The following FAAH2 variants were observed in gnomAD, a reference collection of about 807,000 sequenced individuals.
The protein encoded by FAAH2 is fatty-acid amide hydrolase 2.
Under a neutral mutation model 36.9 loss-of-function variants are expected in FAAH2, and 60 were observed. The ratio of observed to expected loss-of-function variants is 1.63; its 90% CI spans 1.32 to 2.02. The LOEUF is 2.02. Among genes scored for constraint, FAAH2 ranks in the 30% most tolerant of loss-of-function variants. The probability of loss-of-function intolerance (pLI) is 0.00; values close to 1 mark genes in which losing one functional copy is unlikely to be tolerated. For missense variants in FAAH2, 689 were observed against 397.5 expected (o/e 1.73, Z -6.23); for synonymous variants, 214 against 143.8 (o/e 1.49, Z -3.49).
intron 3 of FAAH2, among the ~76,000 whole-genome samples, chrX:57,331,137 G>A (rs1266318095): frequency 8.9e-6 from 1 of 111,932 alleles, no homozygotes; most frequent in Non-Finnish European, 1.9e-5. Flanking sequence ...TCCTCCAGAT[G>A]TTCTGGCATC....
At chrX:57,412,125 C>A (rs1388547786) in intron 7 of FAAH2, among the ~76,000 whole-genome samples, 1 of 111,822 alleles carries the variant, frequency 8.9e-6, no homozygotes, top group Non-Finnish European at 1.9e-5. Context: ...TCCAAATCGA[C>A]TCTTCTAGTT....
At chrX:57,259,639 G>T in the FAAH2 span, among the ~76,000 whole-genome samples, 1 of 111,767 alleles carries the variant, frequency 8.9e-6, no homozygotes, top group Admixed American at 9.5e-5. Flanking sequence ...GGGGGAAATA[G>T]AAAAATATTG....
the FAAH2 span, among the ~76,000 whole-genome samples, chrX:57,140,598 CA>C: frequency 0.035 from 2,067 of 58,750 alleles, 33 homozygotes; most frequent in African/African-American, 0.063. Context: ...GACCCCGTCT[CA>C]AAAAAAAAAA....
In FAAH2 at chrX:57,372,404, A is replaced by G. The variant is rs780478443; in HGVS notation, c.743-6247A>G. Among the ~76,000 whole-genome samples the G allele has an allele frequency of 5.4e-5, 6 of 111,240 alleles. 1 individual carries two copies. In the South Asian group the frequency reaches 1.9e-3, roughly 35 times the overall value. Reference sequence around the variant, plus strand: ...TTTTGTTTCTCCAATAATTACAGTGATGATGAGCATTGTTTTTGTGTGTTA... The same window carrying G: ...TTTTGTTTCTCCAATAATTACAGTGGTGATGAGCATTGTTTTTGTGTGTTA... On this transcript the variant is annotated intron_variant, in intron 5 of 10. Transcript: ENST00000374900.
intron 7 of FAAH2, chrX:57,395,137 G>C (rs751562527): frequency 1.9e-6 from 1 of 537,923 alleles, no homozygotes; most frequent in Non-Finnish European, 3.5e-6. Context: ...GTGTACAGTA[G>C]AGTCTTCATT....
chrX:57,325,392 T>G (rs753995422), intron 3 of FAAH2, among the ~76,000 whole-genome samples: 1 of 111,825 alleles, frequency 8.9e-6, no homozygotes, highest in South Asian at 3.8e-4. Context: ...TTCTATTGAT[T>G]GGAATAGTTT....
At chrX:57,452,122 C>T (rs1002190108) in intron 10 of FAAH2, 2 of 747,167 alleles carry the variant, frequency 2.7e-6, no homozygotes, top group Non-Finnish European at 3.2e-6. Context: ...TCCCCTCTCC[C>T]CACTTTAGGT....
chrX:57,410,884 T>C (rs1272002297), intron 7 of FAAH2, among the ~76,000 whole-genome samples: 2 of 111,999 alleles, frequency 1.8e-5, no homozygotes, highest in African/African-American at 6.5e-5. Context: ...CTGAGATTCT[T>C]TAAAGTGATT....
intron 5 of FAAH2, among the ~76,000 whole-genome samples, chrX:57,358,154 TC>T (rs200106863): frequency 0.31 from 33,892 of 107,770 alleles, 4,388 homozygotes; most frequent in Middle Eastern, 0.6. Context: ...TAGTTTGAGA[TC>T]TTTTTTTTTT....
intron 8 of FAAH2, among the ~76,000 whole-genome samples, chrX:57,438,993 G>T (rs1183234737): frequency 9.0e-6 from 1 of 110,786 alleles, no homozygotes; most frequent in Non-Finnish European, 1.9e-5. Context: ...TCTTAATCCA[G>T]TCTATCGTTG....
At chrX:57,180,855 A>G in the FAAH2 span, among the ~76,000 whole-genome samples, 172 of 111,716 alleles carry the variant, frequency 1.5e-3, 2 homozygotes, top group East Asian at 0.039. Context: ...CTTCAGGCCA[A>G]TATCCTTCAT....
At chrX:57,402,783 A>T (rs1166777646) in intron 7 of FAAH2, among the ~76,000 whole-genome samples, 1 of 111,991 alleles carries the variant, frequency 8.9e-6, no homozygotes, top group Non-Finnish European at 1.9e-5. Context: ...CTGTGGCACC[A>T]ATCTCCATGT....
intron 10 of FAAH2, among the ~76,000 whole-genome samples, chrX:57,475,645 C>G (rs2057253213): frequency 9.0e-6 from 1 of 111,721 alleles, no homozygotes; most frequent in Non-Finnish European, 1.9e-5. Context: ...CAGCTTTGTT[C>G]TTTTTGCTTA....
intron 2 of FAAH2, among the ~76,000 whole-genome samples, chrX:57,303,874 C>G (rs1210543161): frequency 8.0e-5 from 9 of 112,017 alleles, no homozygotes; most frequent in Non-Finnish European, 1.5e-4. Context: ...TACACCTATA[C>G]TCACTGAAAT....
chrX:57,343,434 A>G (rs770486549), intron 5 of FAAH2, among the ~76,000 whole-genome samples: 1 of 111,032 alleles, frequency 9.0e-6, no homozygotes, highest in Non-Finnish European at 1.9e-5. Context: ...AGAAGTGTCC[A>G]TTCATGTCAT....
At chrX:57,150,518 T>C in the FAAH2 span, among the ~76,000 whole-genome samples, 1 of 112,071 alleles carries the variant, frequency 8.9e-6, no homozygotes, top group South Asian at 3.7e-4. Context: ...TATGTAATGG[T>C]CTTCTTTGTC....
At chrX:57,285,261 C>T (rs960904858), upstream of FAAH2, among the ~76,000 whole-genome samples, 1 of 111,744 alleles carries the variant, frequency 8.9e-6, no homozygotes, top group Admixed American at 9.5e-5. Context: ...AGACAGTGAC[C>T]TGGATGACGT....
the FAAH2 span, among the ~76,000 whole-genome samples, chrX:57,201,899 C>T: frequency 9.0e-6 from 1 of 111,152 alleles, no homozygotes; most frequent in East Asian, 2.8e-4. Flanking sequence ...TATTTTTTTT[C>T]TGCTTGATAA....
At chrX:57,230,614 A>G in the FAAH2 span, among the ~76,000 whole-genome samples, 1 of 111,099 alleles carries the variant, frequency 9.0e-6, no homozygotes, top group African/African-American at 3.3e-5. Flanking sequence ...TCTTATCAGC[A>G]TTTAGTTCAC....
Sources: gnomAD v4.1 joint callset for allele counts (sites outside exome capture counted in the v4.1 genomes callset) on GRCh38, gnomAD v4.1.1 for gene constraint, MANE v1.5 for transcripts, NCBI Gene and HGNC (gene_info 2026-07-23, HGNC 2026-07-21) for gene names.